The following EHD3 variants were observed in gnomAD, a reference collection of about 807,000 sequenced individuals.
EHD3 encodes the protein EH domain-containing protein 3.
A neutral mutation model predicts 43.0 loss-of-function variants in EHD3; 17 were observed. That is an observed-to-expected ratio of 0.40 (90% CI 0.27 to 0.59). The LOEUF is 0.59. Ranked by LOEUF, EHD3 falls within the 20% of genes least tolerant of loss-of-function variation. The pLI, the probability that EHD3 is intolerant of heterozygous loss-of-function variation, is 0.49. For missense variants in EHD3, 594 were observed against 705.6 expected, an observed-to-expected ratio of 0.84 and a Z score of 1.79; for synonymous variants, 313 against 289.5, an observed-to-expected ratio of 1.08 and a Z score of -0.82.
In EHD3 at chr2:31,234,603, G is replaced by T; in HGVS notation, c.-19G>T. 1 of 1,612,898 alleles carries T rather than the reference G, an allele frequency of 6.2e-7. No homozygotes were observed. The highest frequency in any genetic ancestry group is 8.5e-7 in the Non-Finnish European group (1 of 1,179,746). On this transcript the variant is annotated 5_prime_UTR_variant, in exon 1 of 6. Transcript: ENST00000322054. ...AGTCTTCCCCTGGGGCTGCGTGCCG[G>T]GGGCGAGCGGCGGCCGCGATGTTCA...
At chr2:31,257,522 G>A (rs562367358) in intron 3 of EHD3, among the ~76,000 whole-genome samples, 8 of 152,260 alleles carry the variant, frequency 5.3e-5, no homozygotes, top group Admixed American at 1.3e-4. Flanking sequence ...CTGGCCTCAC[G>A]ACTTGCCAAC....
chr2:31,238,718 CCTT>C (rs753934252), intron 1 of EHD3, among the ~76,000 whole-genome samples: 50 of 152,204 alleles, frequency 3.3e-4, no homozygotes, highest in Non-Finnish European at 6.3e-4. Flanking sequence ...CCTGGTCACT[CCTT>C]CTCGCTGCCT....
rs1683994750 is a variant in EHD3 at position 31,268,387 on chromosome 2, C to T, written c.*1683C>T. 1 of 152,680 alleles carries T rather than the reference C, an allele frequency of 6.5e-6. No individual in the cohort carries two copies. 9.5% of individuals were successfully genotyped at this position (152,680 alleles called of 1,614,324 possible). On this transcript the variant is annotated 3_prime_UTR_variant, in exon 6 of 6. Transcript: ENST00000322054. ...TTCATGTTAATACAGTACATTTATT[C>T]TTTGGTACCTGCCTGGCCACAGAGC...
rs937876221 is a variant in EHD3 at position 31,260,009 on chromosome 2, C to G, written c.503-501C>G. ...TGAGGTCAGGAGTTCAAGACTCAGC[C>G]TGGCTAACATGGTTAAACCTGTCTC... On this transcript the variant is annotated intron_variant, in intron 3 of 5. Transcript: ENST00000322054. This position sits in a 1 kb window ranked among gnomAD's most constrained non-coding sequence, Gnocchi z 4.6. 6.6e-6 allele frequency among the ~76,000 whole-genome samples: 1 copy of G among 152,150 alleles called. No homozygotes were observed. The highest frequency in any genetic ancestry group is 1.5e-5 in the Non-Finnish European group (1 of 68,034).
intron 1 of EHD3, among the ~76,000 whole-genome samples, chr2:31,239,208 A>G (rs1286632479): frequency 2.6e-5 from 4 of 152,168 alleles, no homozygotes; most frequent in Non-Finnish European, 5.9e-5. Context: ...AGCCAAAGGG[A>G]TAGAGTGAGA....
chr2:31,256,571 A>C (rs1331770031), intron 3 of EHD3, among the ~76,000 whole-genome samples: 3 of 152,226 alleles, frequency 2.0e-5, no homozygotes, highest in Admixed American at 6.5e-5. Context: ...GGATGATTTC[A>C]GTGAGCTGAA....
At chr2:31,244,099 T>TC (rs1174213642) in intron 1 of EHD3, among the ~76,000 whole-genome samples, 175 bp from the exon 2 acceptor site, 2 of 152,168 alleles carry the variant, frequency 1.3e-5, no homozygotes, top group Middle Eastern at 3.4e-3. Context: ...AAATTCCACC[T>TC]CCTCTACAAA....
intron 3 of EHD3, among the ~76,000 whole-genome samples, chr2:31,257,782 G>C (rs764940025): frequency 1.3e-5 from 2 of 152,130 alleles, no homozygotes; most frequent in Non-Finnish European, 2.9e-5. Context: ...TGATGCCCCT[G>C]CCCACTGGGC....
chr2:31,261,846 C>A (rs1461450186), intron 5 of EHD3, 133 bp downstream of exon 5: 1 of 966,040 alleles, frequency 1.0e-6, no homozygotes, highest in Non-Finnish European at 1.4e-6. Flanking sequence ...AAGGAGGTGG[C>A]CCTGGATCTA....
chr2:31,257,698 C>T (rs917234525), intron 3 of EHD3, among the ~76,000 whole-genome samples: 2 of 152,098 alleles, frequency 1.3e-5, no homozygotes, highest in South Asian at 2.1e-4. Flanking sequence ...GGCTAGGGGT[C>T]GTGTCTCATG....
intron 2 of EHD3, among the ~76,000 whole-genome samples, chr2:31,246,959 T>C (rs1683536107): frequency 6.6e-6 from 1 of 151,990 alleles, no homozygotes. Flanking sequence ...TGCAGTGGCA[T>C]GATCTCAGCT....
chr2:31,266,035 C>A lies in EHD3; in HGVS notation c.1081-142C>A. On this transcript the variant is annotated intron_variant, in intron 5 of 5. Transcript: ENST00000322054. This position sits in a 1 kb window ranked among gnomAD's most constrained non-coding sequence, Gnocchi z 5.1. Reference sequence around the variant, plus strand: ...CCTTCGATTACCACGTGATGTCCATCAGCTGAGCCTCTAGGTCACAGGTCT... The same window carrying A: ...CCTTCGATTACCACGTGATGTCCATAAGCTGAGCCTCTAGGTCACAGGTCT... 1 of 1,067,956 alleles carries A rather than the reference C, an allele frequency of 9.4e-7. No individual in the cohort carries two copies. Among genetic ancestry groups the A allele is most frequent in the Non-Finnish European group, 1.3e-6 (1 of 761,742 alleles). 66.2% of individuals were successfully genotyped at this position (1,067,956 alleles called of 1,614,324 possible). A position where few individuals can be genotyped will look rare whatever the true frequency, so the allele number is the denominator to read the frequency against.
intron 1 of EHD3, among the ~76,000 whole-genome samples, chr2:31,235,878 C>A (rs1240343941): frequency 2.0e-5 from 3 of 152,194 alleles, no homozygotes; most frequent in Admixed American, 6.5e-5. Context: ...CTTTTATAGC[C>A]ATTCCAAATT....
At chr2:31,249,647 C>T (rs747748945) in intron 3 of EHD3, among the ~76,000 whole-genome samples, 179 bp downstream of exon 3, 4 of 152,142 alleles carry the variant, frequency 2.6e-5, no homozygotes, top group East Asian at 1.9e-4. Flanking sequence ...TGGCAGGGGT[C>T]GGGAGAGGGG....
At chr2:31,253,763 C>G (rs913632243) in intron 3 of EHD3, among the ~76,000 whole-genome samples, 1 of 152,072 alleles carries the variant, frequency 6.6e-6, no homozygotes, top group Non-Finnish European at 1.5e-5. Context: ...CTGGGGTGCC[C>G]GGGAAGCTGA....
At chr2:31,249,782 C>T (rs1410744843) in intron 3 of EHD3, among the ~76,000 whole-genome samples, 1 of 152,154 alleles carries the variant, frequency 6.6e-6, no homozygotes, top group Non-Finnish European at 1.5e-5. Context: ...TTCCATGGCC[C>T]TGATCCTGGC....
intron 2 of EHD3, among the ~76,000 whole-genome samples, chr2:31,247,335 C>T (rs1683547256): frequency 7.0e-6 from 1 of 142,270 alleles, no homozygotes. Context: ...TTGTTTTTTA[C>T]CATGTGCATA....
At chr2:31,264,383 G>A (rs899307561) in intron 5 of EHD3, among the ~76,000 whole-genome samples, 10 of 152,140 alleles carry the variant, frequency 6.6e-5, no homozygotes, top group African/African-American at 2.4e-4. Flanking sequence ...GTGGGCCAGT[G>A]AGTGAGTGGT....
intron 3 of EHD3, among the ~76,000 whole-genome samples, chr2:31,259,083 G>A (rs1451281247): frequency 6.6e-6 from 1 of 152,170 alleles, no homozygotes; most frequent in Non-Finnish European, 1.5e-5. Context: ...TGGTGGCAAT[G>A]AGCTTTGGGT....
Sources: gnomAD v4.1 joint callset for allele counts (sites outside exome capture counted in the v4.1 genomes callset) on GRCh38, gnomAD v4.1.1 for gene constraint, Gnocchi (gnomAD v3.1) non-coding constraint, MANE v1.5 for transcripts, NCBI Gene and HGNC (gene_info 2026-07-23, HGNC 2026-07-21) for gene names.